ZNF771: variants seen among roughly 807,000 people sequenced by gnomAD.
ZNF771 encodes the protein mesenchymal stem cell protein DSC43.
A neutral mutation model predicts 27.6 loss-of-function variants in ZNF771; 10 were observed. That is an observed-to-expected ratio of 0.36 (90% CI 0.22 to 0.61). The LOEUF is 0.61. Among genes scored for constraint, ZNF771 ranks in the 20% least tolerant of loss-of-function variants. ZNF771 has a pLI of 0.70. For missense variants in ZNF771, 438 were observed against 503.7 expected (o/e 0.87, Z 1.25); for synonymous variants, 261 against 225.2 (o/e 1.16, Z -1.43).
In ZNF771 at chr16:30,413,045, T is replaced by G. The variant is rs113288849; in HGVS notation, c.142-4510T>G. Among the ~76,000 whole-genome samples the G allele has an allele frequency of 7.2e-4, 109 of 152,318 alleles. 9 individuals are homozygous for G. The highest frequency in any genetic ancestry group is 2.4e-3 in the African/African-American group (100 of 41,570). ...ACTTAGCACAGTTCCTGGCACATGG[T>G]GAGTGCCCAACAAGTGGGAGTTATT... On this transcript the variant is annotated intron_variant, in intron 2 of 2. Coordinates refer to ENST00000319296, the MANE Select transcript of ZNF771 (RefSeq NM_001142305.2).
intron 2 of ZNF771, among the ~76,000 whole-genome samples, chr16:30,409,437 A>AT (rs2050092714): frequency 6.6e-6 from 1 of 152,150 alleles, no homozygotes; most frequent in African/African-American, 2.4e-5. Context: ...TGAGATCAGA[A>AT]TATGAGTTAA....
chr16:30,411,626 C>CT, intron 2 of ZNF771, among the ~76,000 whole-genome samples: 1 of 152,140 alleles, frequency 6.6e-6, no homozygotes, highest in East Asian at 1.9e-4. Flanking sequence ...AGTAAGACCC[C>CT]TGAATGCCAG....
chr16:30,414,792 T>TGA (rs2050124511), intron 2 of ZNF771, among the ~76,000 whole-genome samples: 1 of 145,630 alleles, frequency 6.9e-6, no homozygotes, highest in Non-Finnish European at 1.5e-5. Flanking sequence ...TACAGGCACC[T>TGA]GCCACCACGC....
In ZNF771 at chr16:30,418,450, TCTGGGAAATTGAGGGGACGGCAGGC is replaced by T; in HGVS notation, c.*85_*109del. 7 of 1,308,598 alleles carry T rather than the reference TCTGGGAAATTGAGGGGACGGCAGGC, an allele frequency of 5.3e-6. No individual in the cohort carries two copies. Among genetic ancestry groups the T allele is most frequent in the Non-Finnish European group, 6.9e-6 (7 of 1,015,992 alleles). 81.1% of individuals were successfully genotyped at this position (1,308,598 alleles called of 1,614,324 possible). A position where few individuals can be genotyped will look rare whatever the true frequency, so the allele number is the denominator to read the frequency against. ...GCTCCTCCTCGCCCCGGCCTCCGGG[TCTGGGAAATTGAGGGGACGGCAGGC>T]CCGGCTGCCCTGGAACTGGGAGACA... On this transcript the variant is annotated 3_prime_UTR_variant, in exon 3 of 3. Coordinates refer to ENST00000319296, the MANE Select transcript of ZNF771 (RefSeq NM_001142305.2).
chr16:30,407,930 G>T, intron 1 of ZNF771, 115 bp from the exon 2 acceptor site: 1 of 701,338 alleles, frequency 1.4e-6, no homozygotes, highest in Non-Finnish European at 2.3e-6. Flanking sequence ...TCGGAGACCA[G>T]GGCAGGGCGG....
chr16:30,407,989 G>GA, intron 1 of ZNF771, 56 bp from the exon 2 acceptor site: 1 of 799,724 alleles, frequency 1.3e-6, no homozygotes, highest in Non-Finnish European at 1.7e-6. Flanking sequence ...ACGGTGGGCG[G>GA]GGGGGGGGGT....
intron 2 of ZNF771, among the ~76,000 whole-genome samples, chr16:30,408,693 C>T (rs748498657): frequency 5.3e-5 from 8 of 152,160 alleles, no homozygotes; most frequent in Non-Finnish European, 8.8e-5. Flanking sequence ...GACTGAGGCC[C>T]AGGGCAGTTT....
intron 2 of ZNF771, among the ~76,000 whole-genome samples, chr16:30,416,531 T>C (rs1217640259): frequency 1.3e-5 from 2 of 152,158 alleles, no homozygotes; most frequent in Admixed American, 6.5e-5. Context: ...ACACTGCAAA[T>C]AGATCCAGAA....
Position 30,418,214 on chromosome 16 carries a change from C to G in ZNF771, c.801C>G (p.Arg267=), listed in dbSNP as rs750902764. ...RPYPCAECGR[R]FRLSSHFIRH... is the part of the protein sequence containing the mutation. ...ACCCCTGCGCCGAGTGCGGCCGCCG[C>G]TTCCGCCTAAGCTCGCACTTCATTC... Residue 267 remains arginine (R), a synonymous_variant, in exon 3 of 3, where the codon CGC becomes CGG. Transcript: ENST00000319296. 10 of 1,507,976 alleles carry G rather than the reference C, an allele frequency of 6.6e-6. No individual in the cohort carries two copies. The South Asian group carries it at 1.2e-4, about 19-fold the overall frequency. The allele number at this position is 1,507,976 out of a possible 1,614,324, so 93.4% of individuals were successfully genotyped here.
chr16:30,411,337 G>C (rs2050102697), intron 2 of ZNF771, among the ~76,000 whole-genome samples: 1 of 151,742 alleles, frequency 6.6e-6, no homozygotes, highest in Admixed American at 6.6e-5. Flanking sequence ...AAAAAAATCA[G>C]AGGAGGGACA....
chr16:30,418,477 C>G lies in ZNF771; in HGVS notation c.*110C>G. The G allele has an allele frequency of 8.7e-7, 1 of 1,156,052 alleles. No individual in the cohort carries two copies. Among genetic ancestry groups the G allele is most frequent in the Non-Finnish European group, 1.1e-6 (1 of 877,198 alleles). The allele number at this position is 1,156,052 out of a possible 1,614,324, so 71.6% of individuals were successfully genotyped here. On this transcript the variant is annotated 3_prime_UTR_variant, in exon 3 of 3. Transcript: ENST00000319296. ...TGGGAAATTGAGGGGACGGCAGGCC[C>G]GGCTGCCCTGGAACTGGGAGACAGG... is the stretch of plus-strand genomic sequence containing the variant.
intron 2 of ZNF771, 78 bp downstream of exon 2, chr16:30,408,272 G>T: frequency 6.3e-7 from 1 of 1,593,026 alleles, no homozygotes; most frequent in Non-Finnish European, 8.6e-7. Context: ...AGAAGCCAGG[G>T]ATCTTGCCCC....
rs1282429003 is a variant in ZNF771 at position 30,418,077 on chromosome 16, C to T, written c.664C>T (p.Arg222Trp). The change falls in exon 3 of 3, where the codon CGG becomes TGG. Residue 222 changes from arginine (R) to tryptophan (W), a missense_variant. Arg to Trp is a moderately radical substitution (Grantham distance 101). Coordinates refer to ENST00000319296, the MANE Select transcript of ZNF771 (RefSeq NM_001142305.2). Reference protein sequence around the residue: ...FAQSSALAKHRRVHTGEKPHR... With the variant: ...FAQSSALAKHWRVHTGEKPHR... ...TCAGAGCTCGGCGCTGGCCAAGCAC[C>T]GGCGCGTGCACACGGGCGAGAAGCC... is the stretch of plus-strand genomic sequence containing the variant. 6.8e-7 allele frequency: 1 copy of T among 1,476,432 alleles called. No homozygotes were observed. The highest frequency in any genetic ancestry group is 1.5e-5 in the African/African-American group (1 of 68,042). The allele number at this position is 1,476,432 out of a possible 1,614,324, so 91.5% of individuals were successfully genotyped here. A position where few individuals can be genotyped will look rare whatever the true frequency, so the allele number is the denominator to read the frequency against.
At chr16:30,412,291 G>T (rs2050108396) in intron 2 of ZNF771, among the ~76,000 whole-genome samples, 1 of 152,186 alleles carries the variant, frequency 6.6e-6, no homozygotes, top group Non-Finnish European at 1.5e-5. Flanking sequence ...TCTGGAGTGG[G>T]ATTTGAGATT....
intron 2 of ZNF771, among the ~76,000 whole-genome samples, chr16:30,411,553 G>A (rs968609669): frequency 3.3e-5 from 5 of 152,108 alleles, no homozygotes; most frequent in East Asian, 1.9e-4. Context: ...ATCATGTAGC[G>A]GTCGTAACTC....
In ZNF771 at chr16:30,407,636, G is replaced by C. The variant is rs2050081997; in HGVS notation, c.-38G>C. 6.3e-6 allele frequency: 1 copy of C among 159,466 alleles called. No individual in the cohort carries two copies. The highest frequency in any genetic ancestry group is 1.4e-5 in the Non-Finnish European group (1 of 72,614). The allele number at this position is 159,466 out of a possible 1,614,324, so 9.9% of individuals were successfully genotyped here. A position where few individuals can be genotyped will look rare whatever the true frequency, so the allele number is the denominator to read the frequency against. ...CCCAGCCGCCCGGCGCCCAGGCCTG[G>C]GGCACCGCGAGTGCCGAACCTTCGG... On this transcript the variant is annotated 5_prime_UTR_variant, in exon 1 of 3. Coordinates refer to ENST00000319296, the MANE Select transcript of ZNF771 (RefSeq NM_001142305.2).
At position 30,418,205 on chromosome 16, in the gene ZNF771, C is replaced by T. The variant is rs1175244505; in HGVS notation, c.792C>T (p.Cys264=). Residue 264 remains cysteine (C), a synonymous_variant, in exon 3 of 3, where the codon TGC becomes TGT. Coordinates refer to ENST00000319296, the MANE Select transcript of ZNF771 (RefSeq NM_001142305.2). ...TGERPYPCAE[C]GRRFRLSSHF... The stretch of plus-strand genomic sequence containing the variant: ...AGCGGCCCTACCCCTGCGCCGAGTG[C>T]GGCCGCCGCTTCCGCCTAAGCTCGC... 2.0e-6 allele frequency: 3 copies of T among 1,504,308 alleles called. No individual in the cohort carries two copies. The highest frequency in any genetic ancestry group is 8.8e-7 in the Non-Finnish European group (1 of 1,133,310). The allele number at this position is 1,504,308 out of a possible 1,614,324, so 93.2% of individuals were successfully genotyped here.
intron 2 of ZNF771, among the ~76,000 whole-genome samples, chr16:30,412,768 G>A (rs2050112061): frequency 1.3e-5 from 2 of 151,840 alleles, no homozygotes. Flanking sequence ...TCCAGCCTGG[G>A]TGACACAGTG....
At position 30,417,960 on chromosome 16, in the gene ZNF771, GC is replaced by G; in HGVS notation, c.549del (p.Phe184LeufsTer87). ...KPYACPDCGR[A>X]FGGSSCLARH... ...GTACGCGTGCCCGGACTGCGGACGC[GC>G]CTTTGGCGGCAGCTCGTGCCTGGCG... On this transcript the variant is annotated frameshift_variant, in exon 3 of 3. Transcript: ENST00000319296. LOFTEE classifies it high-confidence loss of function. The G allele has an allele frequency of 6.7e-7, 1 of 1,494,764 alleles. No individual in the cohort carries two copies. 92.6% of individuals were successfully genotyped at this position (1,494,764 alleles called of 1,614,324 possible).
Sources: allele counts gnomAD v4.1 joint callset (sites outside exome capture counted in the v4.1 genomes callset), GRCh38; gene constraint gnomAD v4.1.1; transcripts MANE v1.5; gene names NCBI Gene and HGNC (gene_info 2026-07-23, HGNC 2026-07-21).